The following MAGI2 variants were observed in gnomAD, a reference collection of about 807,000 sequenced individuals.
MAGI2 encodes membrane-associated guanylate kinase, WW and PDZ domain-containing protein 2.
MAGI2 carries 35 observed loss-of-function variants against 133.3 expected under a neutral mutation model. The observed-to-expected ratio is 0.26, with a 90% CI of 0.20 to 0.35. The LOEUF (loss-of-function observed/expected upper bound fraction) is 0.35, where lower values mean the gene tolerates loss of function less well. Among genes scored for constraint, MAGI2 ranks in the 10% least tolerant of loss-of-function variants. MAGI2 has a pLI of 1.00. For missense variants in MAGI2, 1,636 were observed against 1,863.4 expected (o/e 0.88, Z 2.25); for synonymous variants, 729 against 710.6 (o/e 1.03, Z -0.41).
chr7:78,554,431 A>G (rs1026021790), intron 3 of MAGI2: 6 of 152,224 alleles, frequency 3.9e-5, no homozygotes, highest in Admixed American at 1.3e-4. Flanking sequence ...ACCTCAGAAG[A>G]TAATTTTCTT....
chr7:78,330,303 T>C (rs1247338542), intron 9 of MAGI2, among the ~76,000 whole-genome samples: 9 of 152,184 alleles, frequency 5.9e-5, no homozygotes. Context: ...GTAATCCATG[T>C]CAGACTAGTG....
intron 1 of MAGI2, among the ~76,000 whole-genome samples, chr7:79,068,849 C>T (rs959074386): frequency 6.6e-6 from 1 of 152,110 alleles, no homozygotes; most frequent in African/African-American, 2.4e-5. Flanking sequence ...GTTATTTACC[C>T]AGTAGTTATT....
At chr7:79,205,579 T>A (rs1313529543) in intron 1 of MAGI2, among the ~76,000 whole-genome samples, 1 of 151,772 alleles carries the variant, frequency 6.6e-6, no homozygotes, top group African/African-American at 2.4e-5. Context: ...TAAGCACAAG[T>A]CAAATTTAGA....
At chr7:79,148,809 G>A (rs1319287306) in intron 1 of MAGI2, among the ~76,000 whole-genome samples, 1 of 149,576 alleles carries the variant, frequency 6.7e-6, no homozygotes, top group Non-Finnish European at 1.5e-5. Flanking sequence ...ATACTATTTG[G>A]TGGTTATCCA....
At chr7:78,776,529 A>C (rs1476883091) in intron 2 of MAGI2, among the ~76,000 whole-genome samples, 1 of 152,232 alleles carries the variant, frequency 6.6e-6, no homozygotes, top group Admixed American at 6.5e-5. Context: ...TTAAAAAACA[A>C]TTATATCTGC....
At chr7:79,264,122 T>A (rs548423592) in intron 1 of MAGI2, among the ~76,000 whole-genome samples, 2 of 152,254 alleles carry the variant, frequency 1.3e-5, no homozygotes, top group South Asian at 4.1e-4. Flanking sequence ...GTCTGGAAAA[T>A]CCAGTGTGCA....
At chr7:79,422,782 T>G (rs1360190113) in intron 1 of MAGI2, among the ~76,000 whole-genome samples, 1 of 152,032 alleles carries the variant, frequency 6.6e-6, no homozygotes, top group Non-Finnish European at 1.5e-5. Context: ...CTGGGAAGGT[T>G]CAGTCAGAAA....
intron 3 of MAGI2, among the ~76,000 whole-genome samples, chr7:78,566,364 G>A (rs1437105073): frequency 1.3e-5 from 2 of 152,024 alleles, no homozygotes; most frequent in Non-Finnish European, 2.9e-5. Context: ...GTGTGAGAAA[G>A]GCATGGAGGT....
intron 3 of MAGI2, among the ~76,000 whole-genome samples, chr7:78,603,876 T>C (rs2150887401): frequency 6.6e-6 from 1 of 152,312 alleles, no homozygotes; most frequent in East Asian, 1.9e-4. Context: ...GACCTATTTG[T>C]TCAAATGGCT....
At chr7:78,380,620 G>A (rs1427524530) in intron 6 of MAGI2, among the ~76,000 whole-genome samples, 2 of 152,036 alleles carry the variant, frequency 1.3e-5, no homozygotes, top group African/African-American at 4.8e-5. Flanking sequence ...AGGAAGGGGG[G>A]ATAGTTAAAG....
chr7:78,104,753 G>A (rs1032182989), intron 20 of MAGI2, among the ~76,000 whole-genome samples: 1 of 152,118 alleles, frequency 6.6e-6, no homozygotes, highest in African/African-American at 2.4e-5. Flanking sequence ...ACTACACCAT[G>A]AAGCCTTCAC....
intron 2 of MAGI2, among the ~76,000 whole-genome samples, chr7:78,858,699 T>C (rs558390141): frequency 1.2e-4 from 18 of 152,144 alleles, no homozygotes; most frequent in Non-Finnish European, 2.5e-4. Flanking sequence ...GAATAAGTGT[T>C]ATGTGGTACT....
chr7:79,254,012 CAAAAA>C (rs1488156149), intron 1 of MAGI2, among the ~76,000 whole-genome samples: 1 of 129,268 alleles, frequency 7.7e-6, no homozygotes, highest in African/African-American at 2.7e-5. Flanking sequence ...CAAAACAAAA[CAAAAA>C]AGGTTACTGT....
chr7:78,709,895 T>G (rs1260456029), intron 2 of MAGI2, among the ~76,000 whole-genome samples: 128 of 152,252 alleles, frequency 8.4e-4, no homozygotes, highest in Non-Finnish European at 2.6e-4. Context: ...GTATTTACCC[T>G]GTACAGCATG....
intron 9 of MAGI2, among the ~76,000 whole-genome samples, chr7:78,317,959 G>A (rs1161829027): frequency 7.2e-5 from 11 of 152,144 alleles, no homozygotes; most frequent in African/African-American, 2.4e-4. Context: ...CAGAAACCCC[G>A]TTGGAAGGTC....
At chr7:78,159,931 GAC>G in intron 16 of MAGI2, 92 bp downstream of exon 16, 1 of 1,458,182 alleles carries the variant, frequency 6.9e-7, no homozygotes, top group Non-Finnish European at 9.1e-7. Context: ...GTATGTCCGT[GAC>G]AGTCTTCTGA....
chr7:78,376,046 CTT>C (rs67384720), intron 6 of MAGI2, among the ~76,000 whole-genome samples: 22 of 151,714 alleles, frequency 1.5e-4, no homozygotes, highest in African/African-American at 5.1e-4. Context: ...TGAATATATT[CTT>C]TTTTTTTAAA....
At chr7:78,758,969 C>T (rs955733053) in intron 2 of MAGI2, among the ~76,000 whole-genome samples, 1 of 152,090 alleles carries the variant, frequency 6.6e-6, no homozygotes, top group East Asian at 1.9e-4. Context: ...TTATGAGCTT[C>T]TTATGGGCCT....
intron 1 of MAGI2, among the ~76,000 whole-genome samples, chr7:79,404,051 T>C (rs1366399513): frequency 6.6e-6 from 1 of 152,186 alleles, no homozygotes; most frequent in East Asian, 1.9e-4. Context: ...TGTTAATGTT[T>C]ACATAAAGAA....
Sources: allele counts gnomAD v4.1 joint callset (sites outside exome capture counted in the v4.1 genomes callset), GRCh38; gene constraint gnomAD v4.1.1; transcripts MANE v1.5; gene names NCBI Gene and HGNC (gene_info 2026-07-23, HGNC 2026-07-21).